Variants in IL19 observed in about 807,000 individuals in gnomAD.
IL19 encodes interleukin 19.
Under a neutral mutation model 19.5 loss-of-function variants are expected in IL19, and 15 were observed. The ratio of observed to expected loss-of-function variants is 0.77; its 90% confidence interval spans 0.52 to 1.19. The LOEUF is 1.19. IL19 is among the 50% of genes most tolerant of loss of function. The pLI is 0.00. For synonymous variants in IL19, 78 were observed against 78.3 expected (o/e 1.00, Z 0.02); for missense variants, 199 against 213.1 (o/e 0.93, Z 0.41).
chr1:206,837,846 C>A lies in IL19; in HGVS notation c.210+823C>A, dbSNP rs12122762. 5.5e-3 allele frequency among the ~76,000 whole-genome samples: 829 copies of A among 152,018 alleles called. 1 individual carries two copies. Among genetic ancestry groups the A allele is most frequent in the Non-Finnish European group, 7.8e-3 (529 of 67,958 alleles). On this transcript the variant is annotated intron_variant, in intron 4 of 6. Transcript: ENST00000659997. ...CAGCCTGGGTGCCAGATTGAGACAC[C>A]CAAAAAGAATAAAAGAATGTGTGTT...
intron 2 of IL19, among the ~76,000 whole-genome samples, chr1:206,827,840 T>C (rs997574045): frequency 2.0e-5 from 3 of 152,206 alleles, no homozygotes; most frequent in African/African-American, 7.2e-5. Context: ...TGCCTATGAC[T>C]GCACGCAGCT....
intron 1 of IL19, chr1:206,772,423 C>G: frequency 6.2e-7 from 1 of 1,614,096 alleles, no homozygotes; most frequent in South Asian, 1.1e-5. Flanking sequence ...CAGAGCAGTG[C>G]TGAGCTGTGC....
At chr1:206,771,337 AC>A (rs778287644) in intron 1 of IL19, 1 of 1,609,654 alleles carries the variant, frequency 6.2e-7, no homozygotes, top group Non-Finnish European at 8.5e-7. Flanking sequence ...CTCCCCCAGC[AC>A]CCCGCCCCTG....
intron 1 of IL19, among the ~76,000 whole-genome samples, chr1:206,785,294 C>T (rs545233801): frequency 6.6e-6 from 1 of 152,168 alleles, no homozygotes; most frequent in Non-Finnish European, 1.5e-5. Context: ...TACACCACCC[C>T]CAATTTAGAA....
chr1:206,824,221 G>C (rs1263375817), intron 2 of IL19, among the ~76,000 whole-genome samples: 1 of 152,220 alleles, frequency 6.6e-6, no homozygotes, highest in East Asian at 1.9e-4. Flanking sequence ...GGTAGGCTGA[G>C]TTCTAGCTCT....
At chr1:206,811,796 G>A (rs1489006843) in intron 2 of IL19, among the ~76,000 whole-genome samples, 2 of 152,144 alleles carry the variant, frequency 1.3e-5, no homozygotes, top group Non-Finnish European at 2.9e-5. Flanking sequence ...GCCCCCAGGG[G>A]CAGATTGATT....
chr1:206,771,532 C>T, intron 1 of IL19: 1 of 801,786 alleles, frequency 1.2e-6, no homozygotes, highest in South Asian at 1.5e-5. Flanking sequence ...GGCTCTGGCC[C>T]AAAAAAATCA....
At chr1:206,789,513 A>G (rs916724906) in intron 1 of IL19, among the ~76,000 whole-genome samples, 6 of 152,078 alleles carry the variant, frequency 3.9e-5, no homozygotes, top group Non-Finnish European at 8.8e-5. Context: ...AAAGGACATT[A>G]TTTTATACTT....
At chr1:206,827,698 A>C (rs2102479209) in intron 2 of IL19, among the ~76,000 whole-genome samples, 1 of 31,832 alleles carries the variant, frequency 3.1e-5, no homozygotes, top group Middle Eastern at 0.013. Flanking sequence ...CAAAAAACAA[A>C]ACAAAACAAA....
At chr1:206,790,788 T>A (rs1675383023) in intron 1 of IL19, among the ~76,000 whole-genome samples, 1 of 151,986 alleles carries the variant, frequency 6.6e-6, no homozygotes, top group African/African-American at 2.4e-5. Flanking sequence ...CAGTTAGAGG[T>A]GCTGGAAAGT....
rs545082859 is a variant in IL19 at position 206,791,956 on chromosome 1, TG to T, written c.-148-6902del. Among the ~76,000 whole-genome samples, 274 of 152,306 alleles carry T rather than the reference TG, an allele frequency of 1.8e-3. 2 individuals are homozygous for T. Among genetic ancestry groups the T allele is most frequent in the Admixed American group, 0.016 (247 of 15,306 alleles). ...GTGTGTGTGTGTGTGCATTTAACTG[TG>T]GGTGGGGAGGCCCTGGGTCTTCCCA... On this transcript the variant is annotated intron_variant, in intron 1 of 6. Transcript: ENST00000659997.
At chr1:206,813,244 T>C (rs1049980858) in intron 2 of IL19, among the ~76,000 whole-genome samples, 2 of 152,248 alleles carry the variant, frequency 1.3e-5, no homozygotes, top group African/African-American at 4.8e-5. Context: ...ATAGGGGCAC[T>C]AGCTGGAGAC....
At chr1:206,804,498 T>C (rs1675794145) in intron 2 of IL19, among the ~76,000 whole-genome samples, 1 of 152,172 alleles carries the variant, frequency 6.6e-6, no homozygotes, top group Non-Finnish European at 1.5e-5. Flanking sequence ...TTACTACAGA[T>C]GGAAGGAATT....
chr1:206,823,094 T>C (rs933369245), intron 2 of IL19, among the ~76,000 whole-genome samples: 2 of 152,174 alleles, frequency 1.3e-5, no homozygotes, highest in Admixed American at 1.3e-4. Flanking sequence ...CATGCCTGGC[T>C]AATTTTTGTA....
At chr1:206,841,270 A>G (rs1677009782) in intron 6 of IL19, among the ~76,000 whole-genome samples, 192 bp downstream of exon 6, 2 of 152,214 alleles carry the variant, frequency 1.3e-5, no homozygotes, top group Admixed American at 1.3e-4. Flanking sequence ...TGGGCTCCCC[A>G]TCTCCATCAT....
chr1:206,822,607 C>T (rs929540101), intron 2 of IL19, among the ~76,000 whole-genome samples: 6 of 152,234 alleles, frequency 3.9e-5, no homozygotes, highest in African/African-American at 1.4e-4. Flanking sequence ...ATAGTACCTT[C>T]TCACAAGGTT....
intron 2 of IL19, 48 bp downstream of exon 2, chr1:206,799,054 G>C: frequency 8.0e-7 from 1 of 1,253,490 alleles, no homozygotes; most frequent in Non-Finnish European, 1.2e-6. Context: ...CCATTCTCTG[G>C]GACCAGAGAT....
At chr1:206,786,120 T>C (rs552118288) in intron 1 of IL19, among the ~76,000 whole-genome samples, 2 of 152,268 alleles carry the variant, frequency 1.3e-5, no homozygotes, top group African/African-American at 2.4e-5. Flanking sequence ...CCCATGTACA[T>C]CTTTACCAAA....
chr1:206,772,428 C>A, intron 1 of IL19: 1 of 1,614,082 alleles, frequency 6.2e-7, no homozygotes, highest in Non-Finnish European at 8.5e-7. Context: ...CAGTGCTGAG[C>A]TGTGCATGCC....
Sources: gnomAD v4.1 joint callset for allele counts (sites outside exome capture counted in the v4.1 genomes callset) on GRCh38, gnomAD v4.1.1 for gene constraint, MANE v1.5 for transcripts, NCBI Gene and HGNC (gene_info 2026-07-23, HGNC 2026-07-21) for gene names.